The following PDE4D variants were observed in gnomAD, a reference collection of about 807,000 sequenced individuals.
The protein encoded by PDE4D is 3',5'-cyclic-AMP phosphodiesterase 4D.
In PDE4D, 24 loss-of-function variants were observed where a neutral mutation model predicts 87.4. The ratio of observed to expected loss-of-function variants is 0.27; its 90% CI spans 0.20 to 0.39. The LOEUF is 0.39. Ranked by LOEUF, PDE4D falls within the 10% of genes least tolerant of loss-of-function variation. PDE4D has a pLI of 1.00. For missense variants in PDE4D, 714 were observed against 1,041.0 expected (o/e 0.69, Z 4.32); for synonymous variants, 384 against 383.2 (o/e 1.00, Z -0.02).
chr5:60,460,173 T>C, intron 1 of PDE4D: 3 of 1,574,702 alleles, frequency 1.9e-6, no homozygotes, highest in Middle Eastern at 4.6e-4. Flanking sequence ...GACTTGAACA[T>C]TTCATCAAAT....
chr5:60,206,789 T>C (rs748090697), intron 1 of PDE4D, among the ~76,000 whole-genome samples: 4 of 152,230 alleles, frequency 2.6e-5, no homozygotes, highest in Non-Finnish European at 5.9e-5. Context: ...AGGGCATCTC[T>C]TAATAAAACA....
intron 1 of PDE4D, among the ~76,000 whole-genome samples, chr5:59,597,949 C>T (rs1826940612): frequency 6.6e-6 from 1 of 152,110 alleles, no homozygotes; most frequent in Admixed American, 6.6e-5. Flanking sequence ...GCCTACCTCT[C>T]TCTATAATTG....
chr5:59,793,788 G>A (rs7727369), intron 1 of PDE4D, among the ~76,000 whole-genome samples: 8,238 of 152,204 alleles, frequency 0.054, 775 homozygotes, highest in African/African-American at 0.19. Context: ...ATATGAAATG[G>A]CTTTTTTAAT....
intron 1 of PDE4D, among the ~76,000 whole-genome samples, chr5:59,696,195 G>T (rs1342859098): frequency 6.6e-6 from 1 of 152,132 alleles, no homozygotes; most frequent in Admixed American, 6.6e-5. Flanking sequence ...GGAAATGAAA[G>T]GCTGAAAGTA....
intron 1 of PDE4D, among the ~76,000 whole-genome samples, chr5:59,415,678 TATGTG>T (rs1265853172): frequency 2.0e-5 from 3 of 152,168 alleles, no homozygotes; most frequent in Non-Finnish European, 2.9e-5. Context: ...TCCAAATTAA[TATGTG>T]ATGTAAGTAA....
At position 60,203,266 on chromosome 5, in the gene PDE4D, C is replaced by T. The variant is rs542328804; in HGVS notation, c.-89-17579G>A. ...GATTACAGGCATGAGCCACCATGCC[C>T]GGCCTAGTGAATAAATTAAATACTT... On this transcript the variant is annotated intron_variant, in intron 1 of 16. Transcript: ENST00000502484. 2.6e-5 allele frequency among the ~76,000 whole-genome samples: 4 copies of T among 152,284 alleles called. 1 individual carries two copies. Among genetic ancestry groups the T allele is most frequent in the East Asian group, 3.9e-4 (2 of 5,184 alleles).
chr5:59,520,034 G>T (rs1248050965), intron 1 of PDE4D, among the ~76,000 whole-genome samples: 1 of 152,124 alleles, frequency 6.6e-6, no homozygotes, highest in Non-Finnish European at 1.5e-5. Flanking sequence ...GGCTGAGGTG[G>T]GGGGATCACT....
intron 1 of PDE4D, among the ~76,000 whole-genome samples, chr5:59,310,945 AC>A (rs1053008661): frequency 6.6e-6 from 1 of 152,134 alleles, no homozygotes; most frequent in African/African-American, 2.4e-5. Context: ...ATCCTCACCT[AC>A]CTAAAGGGAT....
rs1746006937 is a variant in PDE4D at position 59,859,922 on chromosome 5, G to T, written c.455+33246C>A. On this transcript the variant is annotated intron_variant, in intron 1 of 14. Coordinates refer to ENST00000340635, the MANE Select transcript of PDE4D (RefSeq NM_001104631.2). ...AGTACAATGGCTAATGCTAAGGATGGGTGTGCAGGGATTGTAGTTGGAAGA... is the reference window on the plus strand; with the variant it reads ...AGTACAATGGCTAATGCTAAGGATGTGTGTGCAGGGATTGTAGTTGGAAGA... 2.6e-5 allele frequency among the ~76,000 whole-genome samples: 4 copies of T among 152,148 alleles called. No individual in the cohort carries two copies. The South Asian group carries it at 8.3e-4, about 32-fold the overall frequency.
chr5:59,534,992 G>A (rs1045592186), intron 1 of PDE4D, among the ~76,000 whole-genome samples: 2 of 150,098 alleles, frequency 1.3e-5, no homozygotes, highest in African/African-American at 4.9e-5. Context: ...TATTGGGTAT[G>A]ATGCTTATTC....
At chr5:59,071,100 G>T (rs999744875) in intron 5 of PDE4D, among the ~76,000 whole-genome samples, 1 of 152,134 alleles carries the variant, frequency 6.6e-6, no homozygotes, top group African/African-American at 2.4e-5. Context: ...TAGAATTCTT[G>T]GTTGAGAATC....
At chr5:59,842,344 C>A (rs1486534334) in intron 1 of PDE4D, among the ~76,000 whole-genome samples, 1 of 152,040 alleles carries the variant, frequency 6.6e-6, no homozygotes, top group Non-Finnish European at 1.5e-5. Context: ...ATCACACCTC[C>A]TCAAGACTTT....
chr5:60,340,088 A>G (rs1255714472), intron 1 of PDE4D, among the ~76,000 whole-genome samples: 1 of 152,200 alleles, frequency 6.6e-6, no homozygotes, highest in South Asian at 2.1e-4. Flanking sequence ...GCGCCTAAAA[A>G]CTGGCACAAA....
At chr5:59,970,484 C>A (rs1760599270) in intron 3 of PDE4D, among the ~76,000 whole-genome samples, 1 of 152,146 alleles carries the variant, frequency 6.6e-6, no homozygotes, top group African/African-American at 2.4e-5. Context: ...TATCCAGAAT[C>A]TACAATGAAC....
intron 1 of PDE4D, among the ~76,000 whole-genome samples, chr5:60,494,588 G>C (rs1317119717): frequency 6.6e-6 from 1 of 152,118 alleles, no homozygotes; most frequent in African/African-American, 2.4e-5. Context: ...TAGTCTCCCT[G>C]GGCTCCCCAG....
At chr5:59,776,928 C>A (rs1310980621) in intron 1 of PDE4D, among the ~76,000 whole-genome samples, 1 of 151,762 alleles carries the variant, frequency 6.6e-6, no homozygotes, top group African/African-American at 2.4e-5. Context: ...CTAAATGGGG[C>A]TCCTCAGAGT....
Position 58,974,680 on chromosome 5 carries a change from C to G in PDE4D, c.2414G>C (p.Arg805Pro). The G allele has an allele frequency of 6.4e-7, 1 of 1,570,028 alleles. No individual in the cohort carries two copies. The highest frequency in any genetic ancestry group is 8.6e-7 in the Non-Finnish European group (1 of 1,157,014). The change falls in exon 15 of 15, where the codon CGT becomes CCT. Residue 805 changes from arginine (R) to proline (P), a missense_variant. Around this residue, in one of 7 missense-constraint regions of PDE4D, gnomAD observed 90 missense variants for 95.3 expected, o/e 0.94. Transcript: ENST00000340635. The part of the protein sequence containing the change: ...SQPEACVIDD[R>P]SPDT Reference sequence around the variant, plus strand: ...TTTGCACTGTTACGTGTCAGGAGAACGATCATCTATGACACAGGCTTCAGG... The same window carrying G: ...TTTGCACTGTTACGTGTCAGGAGAAGGATCATCTATGACACAGGCTTCAGG...
At chr5:59,216,774 T>G (rs144600609) in intron 1 of PDE4D, 3 of 158,846 alleles carry the variant, frequency 1.9e-5, no homozygotes, top group African/African-American at 7.2e-5. Context: ...CAAATCCCCT[T>G]TCCCCTGCCT....
In PDE4D at chr5:59,446,560, T is replaced by C. The variant is rs115564098; in HGVS notation, c.456-230592A>G. Among the ~76,000 whole-genome samples, 1,311 of 152,372 alleles carry C rather than the reference T, an allele frequency of 8.6e-3. 12 individuals are homozygous for C. The highest frequency in any genetic ancestry group is 0.016 in the Admixed American group (252 of 15,312). On this transcript the variant is annotated intron_variant, in intron 1 of 14. Transcript: ENST00000340635. The stretch of plus-strand genomic sequence containing the variant: ...TGCCAAAGGACTTTTGGCAGCTTCA[T>C]AGAACTAGATAAACCTTCAACAGAT...
Sources: allele counts gnomAD v4.1 joint callset (sites outside exome capture counted in the v4.1 genomes callset), GRCh38; gene constraint gnomAD v4.1.1; regional missense constraint gnomAD v4.1.1; transcripts MANE v1.5; gene names NCBI Gene and HGNC (gene_info 2026-07-23, HGNC 2026-07-21).